Variants in TBC1D32 observed in about 807,000 individuals in gnomAD.
TBC1D32 encodes protein broad-minded.
TBC1D32 carries 151 observed loss-of-function variants against 170.3 expected under a neutral mutation model. The observed-to-expected ratio is 0.89, with a 90% CI of 0.78 to 1.01. TBC1D32 has a LOEUF of 1.01. TBC1D32 is among the 50% of genes least tolerant of loss of function. The pLI is 0.00. For missense variants in TBC1D32, 1,464 were observed against 1,457.1 expected (o/e 1.00, Z -0.08); for synonymous variants, 498 against 488.0 (o/e 1.02, Z -0.27).
At chr6:121,235,173 T>C (rs866568428) in intron 20 of TBC1D32, among the ~76,000 whole-genome samples, 2 of 152,252 alleles carry the variant, frequency 1.3e-5, no homozygotes, top group Middle Eastern at 3.4e-3. Context: ...TGGTTTTGTG[T>C]TGCTTGGCCT....
intron 21 of TBC1D32, among the ~76,000 whole-genome samples, chr6:121,207,921 C>T (rs1327776820): frequency 6.6e-6 from 1 of 152,012 alleles, no homozygotes; most frequent in African/African-American, 2.4e-5. Flanking sequence ...GAGGACAGGT[C>T]AAATGTAATG....
chr6:121,160,745 C>G (rs938999432), intron 23 of TBC1D32, among the ~76,000 whole-genome samples: 2 of 152,192 alleles, frequency 1.3e-5, no homozygotes, highest in Non-Finnish European at 2.9e-5. Flanking sequence ...ACATACCCTA[C>G]TTTAGCATTC....
At chr6:121,328,023 C>T (rs1194522662) in intron 1 of TBC1D32, among the ~76,000 whole-genome samples, 1 of 152,148 alleles carries the variant, frequency 6.6e-6, no homozygotes, top group Non-Finnish European at 1.5e-5. Context: ...AATATCCTTA[C>T]AAGGTTTAAT....
intron 22 of TBC1D32, among the ~76,000 whole-genome samples, chr6:121,170,903 G>C (rs561512291): frequency 7.2e-5 from 11 of 152,160 alleles, no homozygotes; most frequent in African/African-American, 2.4e-4. Flanking sequence ...AGTTATGACA[G>C]AATCATCATT....
intron 22 of TBC1D32, among the ~76,000 whole-genome samples, chr6:121,198,271 A>G (rs936570283): frequency 9.8e-5 from 14 of 143,280 alleles, no homozygotes; most frequent in African/African-American, 3.4e-4. Flanking sequence ...ATATATATAT[A>G]TAATATACAC....
chr6:121,208,345 G>A (rs182788941), intron 21 of TBC1D32, among the ~76,000 whole-genome samples: 185 of 152,180 alleles, frequency 1.2e-3, no homozygotes, highest in Middle Eastern at 3.4e-3. Flanking sequence ...CATGGTGGAG[G>A]GGAAAGCAAA....
At chr6:121,230,562 T>G (rs1795609422) in intron 20 of TBC1D32, among the ~76,000 whole-genome samples, 1 of 152,084 alleles carries the variant, frequency 6.6e-6, no homozygotes, top group African/African-American at 2.4e-5. Context: ...AGAACATATT[T>G]ATTTTACTGT....
intron 17 of TBC1D32, among the ~76,000 whole-genome samples, chr6:121,242,751 G>A (rs1797144300): frequency 6.6e-6 from 1 of 151,880 alleles, no homozygotes; most frequent in African/African-American, 2.4e-5. Context: ...AAAAGCACGT[G>A]ATAGATATTA....
At chr6:121,132,455 C>T (rs1389893186) in intron 24 of TBC1D32, among the ~76,000 whole-genome samples, 4 of 151,992 alleles carry the variant, frequency 2.6e-5, no homozygotes, top group African/African-American at 9.6e-5. Context: ...AATGACTTAT[C>T]TTTTAAGCCT....
intron 24 of TBC1D32, chr6:121,139,900 C>T (rs1412901455): frequency 6.6e-6 from 1 of 152,060 alleles, no homozygotes; most frequent in Non-Finnish European, 1.5e-5. Context: ...CAACAATTTT[C>T]TAACTGTTCT....
rs185150184 is a variant in TBC1D32, at chr6:121,305,719, T to C, written c.691-886A>G. On this transcript the variant is annotated intron_variant, in intron 5 of 31. Transcript: ENST00000398212. ...AACTGATAGGTATCTGTCATACTTT[T>C]CAACCCTATAGGCTTCACTCAGTTG... is the stretch of plus-strand genomic sequence containing the variant. Among the ~76,000 whole-genome samples the C allele has an allele frequency of 5.3e-3, 802 of 152,202 alleles. 8 individuals are homozygous for C. Among genetic ancestry groups the C allele is most frequent in the African/African-American group, 0.018 (764 of 41,566 alleles).
intron 1 of TBC1D32, among the ~76,000 whole-genome samples, chr6:121,323,445 T>C (rs1810026137): frequency 6.6e-6 from 1 of 152,224 alleles, no homozygotes; most frequent in East Asian, 1.9e-4. Flanking sequence ...TACCATGTCA[T>C]GCATGCACAT....
chr6:121,178,328 A>AG (rs1174986162), intron 22 of TBC1D32, among the ~76,000 whole-genome samples: 1 of 152,112 alleles, frequency 6.6e-6, no homozygotes, highest in Non-Finnish European at 1.5e-5. Context: ...GTGACATGAG[A>AG]AATCACTGGG....
At chr6:121,267,777 TCTC>T (rs776873366) in intron 15 of TBC1D32, among the ~76,000 whole-genome samples, 6 of 151,782 alleles carry the variant, frequency 4.0e-5, no homozygotes, top group Non-Finnish European at 7.4e-5. Flanking sequence ...GTTCTCCCTC[TCTC>T]CTCCTCCTCA....
At chr6:121,268,835 G>GA (rs1048943379) in intron 15 of TBC1D32, among the ~76,000 whole-genome samples, 1 of 152,016 alleles carries the variant, frequency 6.6e-6, no homozygotes, top group African/African-American at 2.4e-5. Flanking sequence ...TCAAATGAAG[G>GA]AAAAAAATGT....
intron 12 of TBC1D32, among the ~76,000 whole-genome samples, chr6:121,289,029 A>C (rs1306022033): frequency 6.6e-6 from 1 of 152,182 alleles, no homozygotes; most frequent in Non-Finnish European, 1.5e-5. Context: ...TATCTATGAC[A>C]AACCTACAGC....
In TBC1D32 at chr6:121,239,205, C is replaced by A; in HGVS notation, c.2246-17G>T. On this transcript the variant is annotated splice_polypyrimidine_tract_variant and intron_variant, in intron 19 of 31. Coordinates refer to ENST00000398212, the MANE Select transcript of TBC1D32 (RefSeq NM_152730.6). Reference sequence around the variant, plus strand: ...TAATAAACCCTAAAAAGAATTATTACTTCAAGTCATTTATAGCATAATATT... The same window carrying A: ...TAATAAACCCTAAAAAGAATTATTAATTCAAGTCATTTATAGCATAATATT... 1 of 1,394,210 alleles carries A rather than the reference C, an allele frequency of 7.2e-7. No individual in the cohort carries two copies. 86.4% of individuals were successfully genotyped at this position (1,394,210 alleles called of 1,614,324 possible). A position where few individuals can be genotyped will look rare whatever the true frequency, so the allele number is the denominator to read the frequency against.
chr6:121,210,985 A>G, intron 21 of TBC1D32, among the ~76,000 whole-genome samples: 1 of 100,650 alleles, frequency 9.9e-6, no homozygotes, highest in African/African-American at 2.6e-5. Context: ...GTTATACGAC[A>G]ATAAAAAAAA....
At chr6:121,184,138 G>A (rs555605294) in intron 22 of TBC1D32, among the ~76,000 whole-genome samples, 7 of 152,124 alleles carry the variant, frequency 4.6e-5, no homozygotes, top group African/African-American at 1.4e-4. Context: ...TCAGAAACAG[G>A]TACTTTCACC....
Sources: allele counts gnomAD v4.1 joint callset (sites outside exome capture counted in the v4.1 genomes callset), GRCh38; gene constraint gnomAD v4.1.1; transcripts MANE v1.5; gene names NCBI Gene and HGNC (gene_info 2026-07-23, HGNC 2026-07-21).